The following HFM1 variants were observed in gnomAD, a reference collection of about 807,000 sequenced individuals.
HFM1 encodes the protein helicase for meiosis 1.
HFM1 carries 169 observed loss-of-function variants against 192.1 expected under a neutral mutation model. The ratio of observed to expected loss-of-function variants is 0.88; its 90% CI spans 0.78 to 1.00. HFM1 has a LOEUF of 1.00. Among genes scored for constraint, HFM1 ranks in the 50% least tolerant of loss-of-function variants. The probability of loss-of-function intolerance (pLI) is 0.00; values close to 1 mark genes in which losing one functional copy is unlikely to be tolerated. For synonymous variants in HFM1, 525 were observed against 537.8 expected, an observed-to-expected ratio of 0.98 and a Z score of 0.33; for missense variants, 1,661 against 1,668.0, an observed-to-expected ratio of 1.00 and a Z score of 0.07.
At chr1:91,354,143 T>A (rs1657393561) in intron 13 of HFM1, among the ~76,000 whole-genome samples, 1 of 151,562 alleles carries the variant, frequency 6.6e-6, no homozygotes, top group Admixed American at 6.6e-5. Flanking sequence ...AGAAAGTTAT[T>A]CAAAAAGAAC....
chr1:91,345,259 T>C (rs1655977271), intron 19 of HFM1, among the ~76,000 whole-genome samples: 1 of 152,056 alleles, frequency 6.6e-6, no homozygotes, highest in Admixed American at 6.5e-5. Context: ...AGGTGTAAAA[T>C]ATGCAAGGAG....
intron 34 of HFM1, among the ~76,000 whole-genome samples, chr1:91,273,081 A>T (rs922657256): frequency 9.9e-5 from 15 of 152,070 alleles, no homozygotes; most frequent in Non-Finnish European, 1.8e-4. Flanking sequence ...AGTAATGATG[A>T]ACCAGGCAGT....
chr1:91,310,511 T>C (rs1352382895), intron 30 of HFM1, among the ~76,000 whole-genome samples: 1 of 152,214 alleles, frequency 6.6e-6, no homozygotes, highest in Non-Finnish European at 1.5e-5. Context: ...ACAATGGCTA[T>C]AACAATGGCA....
At chr1:91,344,749 TCTTG>T (rs1655898417) in intron 19 of HFM1, among the ~76,000 whole-genome samples, 1 of 59,936 alleles carries the variant, frequency 1.7e-5, no homozygotes, top group African/African-American at 7.5e-5. Flanking sequence ...TCTTTTCTTT[TCTTG>T]TTTTTTTTTT....
chr1:91,273,742 T>A lies in HFM1; in HGVS notation c.3742A>T (p.Arg1248Ter). Residue 1248 changes from arginine to a stop codon, truncating the protein, a stop_gained, in exon 34 of 39, where the codon AGA (arginine) becomes TGA (stop). Coordinates refer to ENST00000370425, the MANE Select transcript of HFM1 (RefSeq NM_001017975.6). LOFTEE classifies it high-confidence loss of function. Reference protein sequence around the residue: ...WDQPEIYGKVRQEPSEYQDKE... With the variant: ...WDQPEIYGKV ...TCTTGATATTCAGATGGTTCTTGTCTAACTTTTCCATAGATTTCAGGCTGA... is the reference window on the plus strand; with the variant it reads ...TCTTGATATTCAGATGGTTCTTGTCAAACTTTTCCATAGATTTCAGGCTGA... 1.9e-6 allele frequency: 3 copies of A among 1,596,328 alleles called. No individual in the cohort carries two copies. The highest frequency in any genetic ancestry group is 2.6e-6 in the Non-Finnish European group (3 of 1,165,008).
chr1:91,300,903 C>G (rs1431483680), intron 30 of HFM1, among the ~76,000 whole-genome samples: 3 of 152,150 alleles, frequency 2.0e-5, no homozygotes, highest in Non-Finnish European at 2.9e-5. Flanking sequence ...CTCACCACTC[C>G]TATTCAACAC....
intron 13 of HFM1, among the ~76,000 whole-genome samples, chr1:91,358,460 C>A (rs1017779153): frequency 1.3e-5 from 2 of 151,922 alleles, no homozygotes; most frequent in East Asian, 1.9e-4. Flanking sequence ...AAACACAGAC[C>A]AATGGAACAG....
intron 30 of HFM1, among the ~76,000 whole-genome samples, chr1:91,290,214 T>C (rs1010713973): frequency 6.6e-6 from 1 of 152,062 alleles, no homozygotes; most frequent in South Asian, 2.1e-4. Flanking sequence ...TAACTTTAAA[T>C]GTACATGGAC....
At chr1:91,364,346 TGCAGATTGGTACA>T (rs1406268329) in intron 13 of HFM1, among the ~76,000 whole-genome samples, 11 of 151,964 alleles carry the variant, frequency 7.2e-5, no homozygotes, top group Non-Finnish European at 1.6e-4. Context: ...TTGGTGGGAA[TGCAGATTGGTACA>T]GCCATTATGG....
At chr1:91,287,906 G>C (rs2100885702) in intron 30 of HFM1, among the ~76,000 whole-genome samples, 1 of 152,208 alleles carries the variant, frequency 6.6e-6, no homozygotes, top group South Asian at 2.1e-4. Context: ...TGGAAGAAAG[G>C]GTATCAGCGA....
At chr1:91,337,958 G>C (rs993996379) in intron 20 of HFM1, among the ~76,000 whole-genome samples, 19 of 152,274 alleles carry the variant, frequency 1.2e-4, no homozygotes, top group Non-Finnish European at 1.9e-4. Context: ...ACTCGAAGCA[G>C]ATCTTCAGAA....
chr1:91,327,954 G>A (rs1180566161), intron 20 of HFM1, among the ~76,000 whole-genome samples: 2 of 151,794 alleles, frequency 1.3e-5, no homozygotes, highest in Non-Finnish European at 2.9e-5. Flanking sequence ...AAAACCAATG[G>A]GATACAGCAA....
intron 6 of HFM1, among the ~76,000 whole-genome samples, chr1:91,383,972 G>A (rs972229354): frequency 3.3e-5 from 5 of 151,454 alleles, no homozygotes; most frequent in African/African-American, 9.7e-5. Context: ...AACAAAGCTG[G>A]GGGAAAAAAT....
chr1:91,273,955 C>A, intron 33 of HFM1, 140 bp from the exon 34 acceptor site: 1 of 558,020 alleles, frequency 1.8e-6, no homozygotes, highest in Non-Finnish European at 3.1e-6. Context: ...GGCTGGGTAG[C>A]AAATAAATAG....
chr1:91,278,423 G>A (rs1203300653), intron 30 of HFM1, among the ~76,000 whole-genome samples: 20 of 152,142 alleles, frequency 1.3e-4, no homozygotes. Context: ...ACATGAGAAT[G>A]AGACAAAGGG....
At chr1:91,311,653 G>A (rs1319339547) in intron 30 of HFM1, among the ~76,000 whole-genome samples, 1 of 151,736 alleles carries the variant, frequency 6.6e-6, no homozygotes, top group Non-Finnish European at 1.5e-5. Context: ...CAGAAAATTT[G>A]CAGCCTGACT....
At chr1:91,390,273 T>G (rs1456696025) in intron 4 of HFM1, among the ~76,000 whole-genome samples, 4 of 151,922 alleles carry the variant, frequency 2.6e-5, no homozygotes, top group African/African-American at 9.7e-5. Flanking sequence ...CCGTCTCTAC[T>G]AAAAATACAA....
intron 38 of HFM1, chr1:91,261,573 T>A (rs939928360): frequency 1.2e-5 from 4 of 323,354 alleles, no homozygotes; most frequent in South Asian, 3.0e-4. Flanking sequence ...ACTGTAAAGG[T>A]TATTTCTTTA....
At chr1:91,298,301 T>A (rs188748368) in intron 30 of HFM1, among the ~76,000 whole-genome samples, 5,057 of 152,220 alleles carry the variant, frequency 0.033, 195 homozygotes, top group East Asian at 0.13. Context: ...AAAGACCAAG[T>A]CTACATCTGA....
Sources: allele counts gnomAD v4.1 joint callset (sites outside exome capture counted in the v4.1 genomes callset), GRCh38; gene constraint gnomAD v4.1.1; transcripts MANE v1.5; gene names NCBI Gene and HGNC (gene_info 2026-07-23, HGNC 2026-07-21).